The following CHRNA10 variants were observed in gnomAD, a reference collection of about 807,000 sequenced individuals.
The protein encoded by CHRNA10 is neuronal acetylcholine receptor subunit alpha-10.
A neutral mutation model predicts 36.0 loss-of-function variants in CHRNA10; 31 were observed. The observed-to-expected ratio is 0.86, with a 90% CI of 0.65 to 1.16. The LOEUF is 1.16. Ranked by LOEUF, CHRNA10 falls within the 50% of genes most tolerant of loss-of-function variation. CHRNA10 has a pLI of 0.00. For missense variants in CHRNA10, 648 were observed against 640.9 expected, an observed-to-expected ratio of 1.01 and a Z score of -0.12; for synonymous variants, 302 against 287.0, an observed-to-expected ratio of 1.05 and a Z score of -0.53.
At position 3,667,567 on chromosome 11, in the gene CHRNA10, C is replaced by T. The variant is rs1176826717; in HGVS notation, c.560G>A (p.Arg187His). 1.3e-6 allele frequency: 2 copies of T among 1,559,538 alleles called. No homozygotes were observed. Among genetic ancestry groups the T allele is most frequent in the Non-Finnish European group, 1.7e-6 (2 of 1,158,002 alleles). The change falls in exon 4 of 5, where the codon CGC becomes CAC. Residue 187 changes from arginine to histidine, a missense_variant. Transcript: ENST00000250699. ...GTCCGCCAGGCTGGCTGCAGCGCCG[C>T]GCGGCCGCACATCCAGTTGGTGCCC... ...HGGHQLDVRP[R>H]GAAASLADFV... is the part of the protein sequence containing the mutation.
At chr11:3,669,141 C>T in intron 3 of CHRNA10, 55 bp downstream of exon 3, 1 of 1,565,958 alleles carries the variant, frequency 6.4e-7, no homozygotes, top group Non-Finnish European at 8.7e-7. Context: ...ACCCCCACAG[C>T]TAAGGGCAAG....
In CHRNA10 at chr11:3,669,276, G is replaced by T. The variant is rs769623698; in HGVS notation, c.282C>A (p.Asp94Glu). Residue 94 changes from aspartate to glutamate, a missense_variant, in exon 3 of 5, where the codon GAC becomes GAA. By Grantham distance (45) the Asp-to-Glu change is conservative (BLOSUM62 2). Coordinates refer to ENST00000250699, the MANE Select transcript of CHRNA10 (RefSeq NM_020402.4). ...QEWTDAYLRW[D>E]PNAYGGLDAI... Reference sequence around the variant, plus strand: ...CATCCAGGCCACCATAGGCATTGGGGTCCCATCGTAGGTAGGCATCTGTCC... The same window carrying T: ...CATCCAGGCCACCATAGGCATTGGGTTCCCATCGTAGGTAGGCATCTGTCC... 2 of 1,614,076 alleles carry T rather than the reference G, an allele frequency of 1.2e-6. No individual in the cohort carries two copies. The highest frequency in any genetic ancestry group is 1.1e-5 in the South Asian group (1 of 91,072).
In CHRNA10 at chr11:3,666,376, G is replaced by T. The variant is rs767234331; in HGVS notation, c.1084C>A (p.Pro362Thr). ...ERGEPCGQSRPPELSPSPQSP... is the reference protein window; with the variant it reads ...ERGEPCGQSRTPELSPSPQSP... The stretch of plus-strand genomic sequence containing the variant: ...TGGGGGCTAGGAGATAACTCAGGTG[G>T]CCTGGACTGCCCACAGGGCTCCCCT... The change falls in exon 5 of 5, where the codon CCA becomes ACA. Residue 362 changes from proline to threonine, a missense_variant. By Grantham distance (38) the Pro-to-Thr change is conservative. Transcript: ENST00000250699. The T allele has an allele frequency of 1.2e-6, 2 of 1,613,572 alleles. No homozygotes were observed. The highest frequency in any genetic ancestry group is 2.2e-5 in the South Asian group (2 of 91,078).
intron 4 of CHRNA10, among the ~76,000 whole-genome samples, chr11:3,666,789 C>T (rs1291122616): frequency 6.6e-6 from 1 of 152,158 alleles, no homozygotes; most frequent in Non-Finnish European, 1.5e-5. Flanking sequence ...CCCGTCACTG[C>T]TGGAGGCTGC....
In CHRNA10 at chr11:3,670,563, A is replaced by T. The variant is rs77562422; in HGVS notation, c.62-622T>A. Among the ~76,000 whole-genome samples the T allele has an allele frequency of 4.9e-3, 751 of 151,996 alleles. 4 individuals carry two copies. Among genetic ancestry groups the T allele is most frequent in the African/African-American group, 0.017 (720 of 41,448 alleles). ...CCTGAGTTTCCCACAGGCACCTTCAACTCTGAGGGTCCAAAATATGAACTC... is the reference window on the plus strand; with the variant it reads ...CCTGAGTTTCCCACAGGCACCTTCATCTCTGAGGGTCCAAAATATGAACTC... On this transcript the variant is annotated intron_variant, in intron 1 of 4. Transcript: ENST00000250699.
chr11:3,666,166 C>T lies in CHRNA10; in HGVS notation c.1294G>A (p.Ala432Thr). ...ACCAGGGCCATGGAGAAGAAGATGG[C>T]CAGGAAGAAGCGGTCCATCACACGG... ...LARVMDRFFLAIFFSMALVMS... is the reference protein window; with the variant it reads ...LARVMDRFFLTIFFSMALVMS... Residue 432 changes from alanine to threonine, a missense_variant, in exon 5 of 5, where the codon GCC (alanine) becomes ACC (threonine). Transcript: ENST00000250699. 6.2e-7 allele frequency: 1 copy of T among 1,606,216 alleles called. No homozygotes were observed. Among genetic ancestry groups the T allele is most frequent in the South Asian group, 1.1e-5 (1 of 89,720 alleles).
intron 1 of CHRNA10, 51 bp downstream of exon 1, chr11:3,671,201 G>A (rs765842445): frequency 6.4e-7 from 1 of 1,562,054 alleles, no homozygotes; most frequent in African/African-American, 1.4e-5. Flanking sequence ...GGGAGAACAG[G>A]AATAGTAGCA....
At chr11:3,666,590 G>C (rs2133972388) in intron 4 of CHRNA10, 26 bp from the exon 5 acceptor site, 3 of 1,498,684 alleles carry the variant, frequency 2.0e-6, no homozygotes, top group African/African-American at 2.8e-5. Flanking sequence ...AAAGCCAATT[G>C]ACTCAAAACA....
At position 3,667,539 on chromosome 11, in the gene CHRNA10, G is replaced by C; in HGVS notation, c.588C>G (p.Phe196Leu). The change falls in exon 4 of 5, where the codon TTC becomes TTG. Residue 196 changes from phenylalanine (F) to leucine (L), a missense_variant. Phe to Leu is a conservative substitution (Grantham distance 22). Coordinates refer to ENST00000250699, the MANE Select transcript of CHRNA10 (RefSeq NM_020402.4). The part of the protein sequence containing the change: ...PRGAAASLAD[F>L]VENVEWRVLG... ...GCACGCGCCACTCCACGTTCTCCAC[G>C]AAGTCCGCCAGGCTGGCTGCAGCGC... The C allele has an allele frequency of 6.3e-7, 1 of 1,584,816 alleles. No homozygotes were observed. The highest frequency in any genetic ancestry group is 8.5e-7 in the Non-Finnish European group (1 of 1,171,938).
chr11:3,671,127 A>G, intron 1 of CHRNA10, 125 bp downstream of exon 1: 1 of 996,160 alleles, frequency 1.0e-6, no homozygotes, highest in Admixed American at 1.8e-5. Context: ...CCCCAAATAG[A>G]GAGCTTGTTC....
At chr11:3,669,670 T>C in intron 2 of CHRNA10, 126 bp downstream of exon 2, 2 of 1,317,384 alleles carry the variant, frequency 1.5e-6, no homozygotes, top group South Asian at 2.4e-5. Flanking sequence ...TTGTAACTGC[T>C]ACCTTTGTTA....
chr11:3,667,993 C>T (rs2077682704), intron 3 of CHRNA10, among the ~76,000 whole-genome samples: 1 of 152,234 alleles, frequency 6.6e-6, no homozygotes, highest in Non-Finnish European at 1.5e-5. Context: ...TCAGCACTTG[C>T]TTATCCAAAG....
At position 3,667,724 on chromosome 11, in the gene CHRNA10, C is replaced by G; in HGVS notation, c.403G>C (p.Val135Leu). The change falls in exon 4 of 5, where the codon GTC becomes CTC. Residue 135 changes from valine (V) to leucine (L), a missense_variant. Physicochemically the swap from Val to Leu is conservative, Grantham distance 32 (BLOSUM62 1). Transcript: ENST00000250699. ...CGCACGGCGCCATCGTGGCGCAGGA[C>G]CACGTTGGTGCTGGCGGAACCTGGA... Reference protein sequence around the residue: ...QPPGSASTNVVLRHDGAVRWD... With the variant: ...QPPGSASTNVLLRHDGAVRWD... 1.5e-5 allele frequency: 24 copies of G among 1,571,794 alleles called. No individual in the cohort carries two copies. The highest frequency in any genetic ancestry group is 1.5e-5 in the Non-Finnish European group (18 of 1,166,476).
chr11:3,666,936 A>G (rs1295690137), intron 4 of CHRNA10, among the ~76,000 whole-genome samples: 2 of 152,132 alleles, frequency 1.3e-5, no homozygotes, highest in Admixed American at 6.5e-5. Context: ...TACCTGAGTT[A>G]ATAAAGGTCA....
At chr11:3,667,882 T>A in intron 3 of CHRNA10, 118 bp from the exon 4 acceptor site, 1 of 895,780 alleles carries the variant, frequency 1.1e-6, no homozygotes, top group Non-Finnish European at 1.6e-6. Context: ...CTCCCCAGAA[T>A]ATTGAGGCTC....
intron 2 of CHRNA10, 112 bp from the exon 3 acceptor site, chr11:3,669,462 A>G (rs1004914577): frequency 7.3e-7 from 1 of 1,376,398 alleles, no homozygotes; most frequent in Non-Finnish European, 1.0e-6. Flanking sequence ...TGACTTGTCC[A>G]TACCGTCCAG....
At chr11:3,669,448 A>C in intron 2 of CHRNA10, 98 bp from the exon 3 acceptor site, 1 of 1,473,426 alleles carries the variant, frequency 6.8e-7, no homozygotes, top group Non-Finnish European at 9.2e-7. Context: ...AGCACCCACA[A>C]ACCTGACTTG....
chr11:3,667,539 GAAGTCCGCC>G lies in CHRNA10; in HGVS notation c.579_587del (p.Ala194_Phe196del). ...GCACGCGCCACTCCACGTTCTCCACGAAGTCCGCCAGGCTGGCTGCAGCGCCGCGCGGCC... is the reference window on the plus strand; with the variant it reads ...GCACGCGCCACTCCACGTTCTCCACGAGGCTGGCTGCAGCGCCGCGCGGCC... On this transcript the variant is annotated inframe_deletion, in exon 4 of 5. Transcript: ENST00000250699. 6.3e-7 allele frequency: 1 copy of G among 1,584,816 alleles called. No homozygotes were observed.
At position 3,667,563 on chromosome 11, in the gene CHRNA10, G is replaced by T; in HGVS notation, c.564C>A (p.Gly188=). ...CGAAGTCCGCCAGGCTGGCTGCAGC[G>T]CCGCGCGGCCGCACATCCAGTTGGT... The part of the protein sequence containing the change: ...GGHQLDVRPR[G]AAASLADFVE... The change falls in exon 4 of 5, where the codon GGC becomes GGA. Residue 188 remains glycine, a synonymous_variant. Coordinates refer to ENST00000250699, the MANE Select transcript of CHRNA10 (RefSeq NM_020402.4). The T allele has an allele frequency of 6.4e-7, 1 of 1,559,522 alleles. No individual in the cohort carries two copies. The highest frequency in any genetic ancestry group is 1.8e-5 in the Admixed American group (1 of 54,512).
Sources: gnomAD v4.1 joint callset for allele counts (sites outside exome capture counted in the v4.1 genomes callset) on GRCh38, gnomAD v4.1.1 for gene constraint, MANE v1.5 for transcripts, NCBI Gene and HGNC (gene_info 2026-07-23, HGNC 2026-07-21) for gene names.